DIP2B: variants seen among roughly 807,000 people sequenced by gnomAD.
The protein encoded by DIP2B is DIP2 acetate--CoA ligase B (putative).
DIP2B carries 76 observed loss-of-function variants against 198.0 expected under a neutral mutation model. The ratio of observed to expected loss-of-function variants is 0.38; its 90% CI spans 0.32 to 0.46. The LOEUF (loss-of-function observed/expected upper bound fraction) is 0.46, where lower values mean the gene tolerates loss of function less well. DIP2B is among the 20% of genes least tolerant of loss of function. The probability of loss-of-function intolerance (pLI) is 0.99; values close to 1 mark genes in which losing one functional copy is unlikely to be tolerated. For missense variants in DIP2B, 1,559 were observed against 1,978.4 expected (o/e 0.79, Z 4.02); for synonymous variants, 701 against 739.1 (o/e 0.95, Z 0.84).
At chr12:50,738,574 C>A (rs1315744049) in intron 35 of DIP2B, among the ~76,000 whole-genome samples, 1 of 152,126 alleles carries the variant, frequency 6.6e-6, no homozygotes, top group Non-Finnish European at 1.5e-5. Flanking sequence ...ACCTCCATCT[C>A]CCCAGTTCAA....
intron 3 of DIP2B, among the ~76,000 whole-genome samples, chr12:50,648,426 C>T (rs959696317): frequency 8.5e-5 from 13 of 152,198 alleles, no homozygotes; most frequent in African/African-American, 2.4e-4. Flanking sequence ...TCCAGTGGCC[C>T]GATCTCGGCT....
chr12:50,650,040 CTCTACTAAAAAT>C (rs1938426827), intron 3 of DIP2B, among the ~76,000 whole-genome samples: 1 of 151,992 alleles, frequency 6.6e-6, no homozygotes, highest in Non-Finnish European at 1.5e-5. Flanking sequence ...GAAACCGCAT[CTCTACTAAAAAT>C]ACAAAAAATG....
In DIP2B at chr12:50,695,848, C is replaced by T. The variant is rs1194864745; in HGVS notation, c.1814C>T (p.Ala605Val). 1 of 1,613,866 alleles carries T rather than the reference C, an allele frequency of 6.2e-7. No individual in the cohort carries two copies. Among genetic ancestry groups the T allele is most frequent in the Admixed American group, 1.7e-5 (1 of 59,972 alleles). Residue 605 changes from alanine (A) to valine (V), a missense_variant and splice_region_variant, in exon 16 of 38, where the codon GCC becomes GTC. Ala to Val is a moderately conservative substitution (Grantham distance 64). Coordinates refer to ENST00000301180, the MANE Select transcript of DIP2B (RefSeq NM_173602.3). ...SWVQRVHAHK[A>V]KVALVKCRDL... The stretch of plus-strand genomic sequence containing the variant: ...AACTTCATCCTTTTTGAATTTATAG[C>T]CAAGGTAGCTTTAGTAAAATGTCGG...
At chr12:50,625,062 A>T (rs1209901784) in intron 1 of DIP2B, among the ~76,000 whole-genome samples, 1 of 152,140 alleles carries the variant, frequency 6.6e-6, no homozygotes, top group African/African-American at 2.4e-5. Context: ...CCTGTTTTAT[A>T]TATTAGGTTC....
At chr12:50,507,049 T>C (rs1048677176) in intron 1 of DIP2B, among the ~76,000 whole-genome samples, 12 of 152,182 alleles carry the variant, frequency 7.9e-5, no homozygotes, top group African/African-American at 1.2e-4. Flanking sequence ...AGAAACATTC[T>C]GAGGAACTAT....
intron 1 of DIP2B, among the ~76,000 whole-genome samples, chr12:50,561,399 C>G (rs1021658929): frequency 5.3e-5 from 8 of 151,466 alleles, no homozygotes; most frequent in Admixed American, 2.0e-4. Flanking sequence ...TTCACTACCT[C>G]CATCTTAGGT....
intron 12 of DIP2B, among the ~76,000 whole-genome samples, chr12:50,688,934 A>G (rs1939176813): frequency 6.6e-6 from 1 of 152,044 alleles, no homozygotes; most frequent in African/African-American, 2.4e-5. Flanking sequence ...GGTGCCTGTT[A>G]TTTTGAATTA....
chr12:50,634,791 G>A (rs1166817987), intron 2 of DIP2B, among the ~76,000 whole-genome samples: 2 of 152,026 alleles, frequency 1.3e-5, no homozygotes, highest in East Asian at 3.9e-4. Flanking sequence ...TCTAGCATTA[G>A]TGCCTGATAT....
intron 20 of DIP2B, among the ~76,000 whole-genome samples, 187 bp downstream of exon 20, chr12:50,704,407 T>C (rs992176962): frequency 2.4e-4 from 36 of 152,240 alleles, no homozygotes; most frequent in African/African-American, 8.4e-4. Context: ...CCAAGTTCAT[T>C]TGACTCCTTC....
chr12:50,555,961 C>A (rs1593605979), intron 1 of DIP2B, among the ~76,000 whole-genome samples: 1 of 152,318 alleles, frequency 6.6e-6, no homozygotes, highest in Non-Finnish European at 1.5e-5. Context: ...AAACCACACA[C>A]CAATCTTTAG....
rs12318370 is a variant in DIP2B at position 50,511,158 on chromosome 12, C to G, written c.100+5918C>G. Among the ~76,000 whole-genome samples, 764 of 151,592 alleles carry G rather than the reference C, an allele frequency of 5.0e-3. 5 individuals are homozygous for G. The highest frequency in any genetic ancestry group is 0.017 in the African/African-American group (713 of 41,348). On this transcript the variant is annotated intron_variant, in intron 1 of 37. Coordinates refer to ENST00000301180, the MANE Select transcript of DIP2B (RefSeq NM_173602.3). ...GATAGGGTTTCACCAGTTGACCAGG[C>G]TGGTCTCGAACTCTTGACCTTGTGA...
chr12:50,651,174 C>T (rs1938445955), intron 3 of DIP2B, among the ~76,000 whole-genome samples: 1 of 152,072 alleles, frequency 6.6e-6, no homozygotes, highest in Non-Finnish European at 1.5e-5. Flanking sequence ...CATTTAGAAA[C>T]TTGGGTTAAT....
intron 36 of DIP2B, 120 bp downstream of exon 36, chr12:50,739,706 T>A: frequency 8.3e-7 from 1 of 1,204,046 alleles, no homozygotes; most frequent in Non-Finnish European, 1.2e-6. Context: ...CGGTGACTCT[T>A]AAACCCATAA....
chr12:50,717,863 C>T lies in DIP2B; in HGVS notation c.2852-846C>T, dbSNP rs557769352. Among the ~76,000 whole-genome samples, 2 of 149,782 alleles carry T rather than the reference C, an allele frequency of 1.3e-5. 1 individual carries two copies. Among genetic ancestry groups the T allele is most frequent in the South Asian group, 4.2e-4 (2 of 4,758 alleles). On this transcript the variant is annotated intron_variant, in intron 23 of 37. Coordinates refer to ENST00000301180, the MANE Select transcript of DIP2B (RefSeq NM_173602.3). ...TCGGCCTCCTAAAGTGCTGTGATTA[C>T]AGGCATGAGCCACCGTTCCTGGCCA...
chr12:50,712,492 T>C lies in DIP2B; in HGVS notation c.2650-1903T>C, dbSNP rs527583593. Among the ~76,000 whole-genome samples, 7 of 151,518 alleles carry C rather than the reference T, an allele frequency of 4.6e-5. No homozygotes were observed. In the South Asian group the frequency reaches 1.5e-3, roughly 32 times the overall value. The stretch of plus-strand genomic sequence containing the variant: ...GGTGGCACACACCTGTAATCCCAGC[T>C]ACTTGGGAGGCTGAGGCAGGAAAAT... On this transcript the variant is annotated intron_variant, in intron 22 of 37. Coordinates refer to ENST00000301180, the MANE Select transcript of DIP2B (RefSeq NM_173602.3).
chr12:50,653,659 C>T (rs1938502830), intron 3 of DIP2B, among the ~76,000 whole-genome samples: 1 of 151,646 alleles, frequency 6.6e-6, no homozygotes, highest in South Asian at 2.1e-4. Context: ...TCTTATAATT[C>T]CTTTTATTTC....
At chr12:50,625,864 C>T in intron 1 of DIP2B, 112 bp from the exon 2 acceptor site, 1 of 1,128,234 alleles carries the variant, frequency 8.9e-7, no homozygotes. Context: ...CCCCCCAACC[C>T]CCTGCCTCTA....
intron 1 of DIP2B, among the ~76,000 whole-genome samples, chr12:50,578,482 T>C (rs910051218): frequency 1.3e-5 from 2 of 151,480 alleles, no homozygotes; most frequent in African/African-American, 4.9e-5. Flanking sequence ...ATTTCAATAA[T>C]GATATTAAGA....
intron 3 of DIP2B, among the ~76,000 whole-genome samples, chr12:50,644,154 C>A (rs1938309252): frequency 6.6e-6 from 1 of 152,130 alleles, no homozygotes; most frequent in East Asian, 1.9e-4. Flanking sequence ...ATTATCTGAC[C>A]TGATTCCATT....
Sources: gnomAD v4.1 joint callset for allele counts (sites outside exome capture counted in the v4.1 genomes callset) on GRCh38, gnomAD v4.1.1 for gene constraint, MANE v1.5 for transcripts, NCBI Gene and HGNC (gene_info 2026-07-23, HGNC 2026-07-21) for gene names.